Variants in CELSR1 observed in about 807,000 individuals in gnomAD.
CELSR1 encodes adhesion G protein-coupled receptor C1.
A neutral mutation model predicts 249.1 loss-of-function variants in CELSR1; 110 were observed. The observed-to-expected ratio is 0.44, with a 90% CI of 0.38 to 0.52. The LOEUF (loss-of-function observed/expected upper bound fraction) is 0.52, where lower values mean the gene tolerates loss of function less well. Ranked by LOEUF, CELSR1 falls within the 20% of genes least tolerant of loss-of-function variation. CELSR1 has a pLI of 0.00. For missense variants in CELSR1, 4,109 were observed against 4,296.4 expected (o/e 0.96, Z 1.22); for synonymous variants, 2,113 against 1,900.0 (o/e 1.11, Z -2.92).
chr22:46,476,262 C>T (rs1415360214), intron 1 of CELSR1, among the ~76,000 whole-genome samples: 1 of 152,070 alleles, frequency 6.6e-6, no homozygotes, highest in Non-Finnish European at 1.5e-5. Flanking sequence ...TGGACAAACC[C>T]AGTATGTTCC....
intron 23 of CELSR1, 140 bp downstream of exon 23, chr22:46,378,451 G>A: frequency 1.2e-6 from 1 of 865,220 alleles, no homozygotes; most frequent in Non-Finnish European, 1.8e-6. Context: ...GGAAGATTTA[G>A]TTTGAGGAGG....
At chr22:46,496,592 C>T (rs1026812137) in intron 1 of CELSR1, among the ~76,000 whole-genome samples, 2 of 151,174 alleles carry the variant, frequency 1.3e-5, no homozygotes, top group Non-Finnish European at 2.9e-5. Flanking sequence ...TTTTTTCTTT[C>T]TTTATATCCT....
Position 46,417,905 on chromosome 22 carries a change from C to T in CELSR1, c.4612-6146G>A, listed in dbSNP as rs2079421801. On this transcript the variant is annotated intron_variant, in intron 5 of 34. Coordinates refer to ENST00000674500, the MANE Select transcript of CELSR1 (RefSeq NM_001378328.1). This position sits in a 1 kb window ranked among gnomAD's most constrained non-coding sequence, Gnocchi z 4.1. ...GGCCGGCGGGGGGCTCACAGGACAG[C>T]AGTGTCCACAGCATCCAATGGACAT... Among the ~76,000 whole-genome samples the T allele has an allele frequency of 6.6e-6, 1 of 152,240 alleles. No homozygotes were observed. The highest frequency in any genetic ancestry group is 1.5e-5 in the Non-Finnish European group (1 of 68,048).
At chr22:46,414,956 C>A (rs996534734) in intron 5 of CELSR1, among the ~76,000 whole-genome samples, 1 of 152,142 alleles carries the variant, frequency 6.6e-6, no homozygotes, top group African/African-American at 2.4e-5. Flanking sequence ...AGGCACGAAG[C>A]GCTGACACAC....
chr22:46,443,447 C>A (rs1489011598), intron 2 of CELSR1, among the ~76,000 whole-genome samples: 1 of 152,192 alleles, frequency 6.6e-6, no homozygotes. Flanking sequence ...GAGCCCTAGA[C>A]CCTCATCCAG....
chr22:46,521,966 C>A (rs1449915375), intron 1 of CELSR1, among the ~76,000 whole-genome samples: 1 of 152,246 alleles, frequency 6.6e-6, no homozygotes, highest in Non-Finnish European at 1.5e-5. Context: ...ACTCCACCAA[C>A]AGGGCAAAAG....
At position 46,523,712 on chromosome 22, in the gene CELSR1, G is replaced by A. The variant is rs544053151; in HGVS notation, c.3544+9915C>T. Among the ~76,000 whole-genome samples the A allele has an allele frequency of 3.9e-5, 6 of 152,180 alleles. No individual in the cohort carries two copies. The East Asian group carries it at 1.2e-3, about 29-fold the overall frequency. On this transcript the variant is annotated intron_variant, in intron 1 of 34. Coordinates refer to ENST00000674500, the MANE Select transcript of CELSR1 (RefSeq NM_001378328.1). ...CCCCTCAACAGGTGCGTCAGCCCCTGCTCTGAGCAGGCTCCTCATCTGGTA... is the reference window on the plus strand; with the variant it reads ...CCCCTCAACAGGTGCGTCAGCCCCTACTCTGAGCAGGCTCCTCATCTGGTA...
intron 1 of CELSR1, among the ~76,000 whole-genome samples, chr22:46,523,560 A>AAAT (rs962927803): frequency 6.1e-5 from 9 of 147,684 alleles, no homozygotes; most frequent in African/African-American, 2.1e-4. Context: ...ATAAATAAAT[A>AAAT]AAATAAAAAG....
At chr22:46,514,039 C>T (rs1157999648) in intron 1 of CELSR1, among the ~76,000 whole-genome samples, 3 of 152,236 alleles carry the variant, frequency 2.0e-5, no homozygotes, top group South Asian at 4.2e-4. Context: ...ATGATCCACC[C>T]GCCTCACCCT....
At position 46,393,146 on chromosome 22, in the gene CELSR1, G is replaced by A. The variant is rs1308748120; in HGVS notation, c.5964+996C>T. On this transcript the variant is annotated intron_variant, in intron 14 of 34. Transcript: ENST00000674500. This position sits in a 1 kb window ranked among gnomAD's most constrained non-coding sequence, Gnocchi z 4.1. ...CCAGCCGCATCTGCAGGAAGCTCAC[G>A]TCCCTCGCCCAGGCTCCTGTTACCC... is the stretch of plus-strand genomic sequence containing the variant. 2.6e-5 allele frequency among the ~76,000 whole-genome samples: 4 copies of A among 152,208 alleles called. No individual in the cohort carries two copies. The highest frequency in any genetic ancestry group is 2.9e-5 in the Non-Finnish European group (2 of 68,012).
intron 1 of CELSR1, chr22:46,481,575 G>T: frequency 1.2e-6 from 1 of 868,530 alleles, no homozygotes; most frequent in Admixed American, 1.9e-5. Context: ...GCACATGGTG[G>T]CACTCGATGC....
chr22:46,505,067 C>T (rs924567464), intron 1 of CELSR1, among the ~76,000 whole-genome samples: 1 of 151,576 alleles, frequency 6.6e-6, no homozygotes, highest in East Asian at 2.0e-4. Flanking sequence ...TCGAGACCAT[C>T]CTGGCTAACA....
chr22:46,367,895 A>ACCTGCT (rs751966955), intron 27 of CELSR1, 40 bp from the exon 28 acceptor site: 24 of 1,579,740 alleles, frequency 1.5e-5, no homozygotes, highest in Non-Finnish European at 2.1e-5. Flanking sequence ...CATCGCCACC[A>ACCTGCT]CCTGCTCCCT....
chr22:46,388,360 G>T (rs116417771), intron 18 of CELSR1, among the ~76,000 whole-genome samples: 6,363 of 151,622 alleles, frequency 0.042, 443 homozygotes, highest in African/African-American at 0.14. Context: ...AAAAAAAAAA[G>T]AAATAAAGAA....
At chr22:46,522,539 G>C (rs1392856386) in intron 1 of CELSR1, among the ~76,000 whole-genome samples, 1 of 152,096 alleles carries the variant, frequency 6.6e-6, no homozygotes, top group Non-Finnish European at 1.5e-5. Flanking sequence ...TTGTTTTCTT[G>C]TTGCTAAATT....
At chr22:46,386,052 CT>C (rs2147235628) in intron 19 of CELSR1, among the ~76,000 whole-genome samples, 1 of 151,738 alleles carries the variant, frequency 6.6e-6, no homozygotes, top group East Asian at 1.9e-4. Flanking sequence ...TCACTGCAAC[CT>C]CTGCCTCCCA....
intron 5 of CELSR1, among the ~76,000 whole-genome samples, chr22:46,416,132 C>T (rs2079398907): frequency 6.8e-6 from 1 of 146,088 alleles, no homozygotes; most frequent in African/African-American, 2.6e-5. Context: ...ATGAGACAGA[C>T]GAACCGCCTC....
Position 46,380,974 on chromosome 22 carries a change from A to C in CELSR1, c.7089-19T>G. On this transcript the variant is annotated intron_variant, in intron 21 of 34. Transcript: ENST00000674500. The surrounding 1 kb of genome is among the most constrained non-coding windows in gnomAD (Gnocchi z 5.1). ...AGGCAACCTGAGGTCAAGAAGCCAGAGCATGGGGACAAACACGGTGAGGAA... is the reference window on the plus strand; with the variant it reads ...AGGCAACCTGAGGTCAAGAAGCCAGCGCATGGGGACAAACACGGTGAGGAA... 6.2e-7 allele frequency: 1 copy of C among 1,608,604 alleles called. No homozygotes were observed. The highest frequency in any genetic ancestry group is 8.5e-7 in the Non-Finnish European group (1 of 1,176,312).
chr22:46,505,206 G>A (rs889950747), intron 1 of CELSR1, among the ~76,000 whole-genome samples: 9 of 138,604 alleles, frequency 6.5e-5, no homozygotes, highest in Admixed American at 1.6e-4. Flanking sequence ...AGCTTGCAAT[G>A]AGCCGAGATG....
Sources: allele counts gnomAD v4.1 joint callset (sites outside exome capture counted in the v4.1 genomes callset), GRCh38; gene constraint gnomAD v4.1.1; non-coding constraint Gnocchi (gnomAD v3.1); transcripts MANE v1.5; gene names NCBI Gene and HGNC (gene_info 2026-07-23, HGNC 2026-07-21).